The following PLCL1 variants were observed in gnomAD, a reference collection of about 807,000 sequenced individuals.
The protein encoded by PLCL1 is inactive phospholipase C-like protein 1.
PLCL1 carries 41 observed loss-of-function variants against 84.4 expected under a neutral mutation model. The ratio of observed to expected loss-of-function variants is 0.49; its 90% confidence interval spans 0.38 to 0.63. PLCL1 has a LOEUF of 0.63. PLCL1 is among the 30% of genes least tolerant of loss of function. The pLI, the probability that PLCL1 is intolerant of heterozygous loss-of-function variation, is 0.00. For synonymous variants in PLCL1, 490 were observed against 488.3 expected (o/e 1.00, Z -0.05); for missense variants, 1,206 against 1,367.8 (o/e 0.88, Z 1.87).
chr2:197,965,132 G>A (rs1017031708), intron 1 of PLCL1, among the ~76,000 whole-genome samples: 1 of 152,258 alleles, frequency 6.6e-6, no homozygotes, highest in Middle Eastern at 3.4e-3. Context: ...AGTAGGAGTA[G>A]TATTAGTTTT....
chr2:197,912,845 A>T, intron 1 of PLCL1, among the ~76,000 whole-genome samples: 1 of 140,252 alleles, frequency 7.1e-6, no homozygotes, highest in Non-Finnish European at 1.5e-5. Context: ...AGATATACCT[A>T]ATGCTAGATG....
chr2:198,079,801 A>G (rs1294738445), intron 1 of PLCL1, among the ~76,000 whole-genome samples: 3 of 152,224 alleles, frequency 2.0e-5, no homozygotes, highest in Admixed American at 6.5e-5. Context: ...AGACTTATGC[A>G]TAGAATATTA....
intron 1 of PLCL1, among the ~76,000 whole-genome samples, chr2:197,939,479 G>A (rs189855903): frequency 8.5e-5 from 13 of 152,232 alleles, no homozygotes; most frequent in Non-Finnish European, 1.6e-4. Context: ...AGAAGTCCAG[G>A]ATTTAGGTGT....
intron 3 of PLCL1, among the ~76,000 whole-genome samples, chr2:198,096,652 G>A (rs1339913004): frequency 6.6e-6 from 1 of 151,906 alleles, no homozygotes; most frequent in African/African-American, 2.4e-5. Flanking sequence ...ACTTTACTAT[G>A]GTAAGAACAA....
intron 1 of PLCL1, among the ~76,000 whole-genome samples, chr2:198,003,732 A>G (rs777296911): frequency 6.6e-6 from 1 of 152,232 alleles, no homozygotes; most frequent in African/African-American, 2.4e-5. Context: ...AGAAGAATAT[A>G]TGGTCTATGC....
intron 5 of PLCL1, among the ~76,000 whole-genome samples, chr2:198,128,134 T>C (rs1263197702): frequency 6.6e-6 from 1 of 152,152 alleles, no homozygotes; most frequent in Non-Finnish European, 1.5e-5. Context: ...TGCATTTATA[T>C]TGTAAACCAA....
intron 1 of PLCL1, among the ~76,000 whole-genome samples, chr2:197,963,119 A>C (rs922353369): frequency 8.6e-5 from 13 of 152,002 alleles, no homozygotes; most frequent in African/African-American, 2.9e-4. Context: ...ATCATATGTT[A>C]GCTCTATTTT....
At chr2:197,906,921 G>A (rs976382516) in intron 1 of PLCL1, among the ~76,000 whole-genome samples, 6 of 152,212 alleles carry the variant, frequency 3.9e-5, no homozygotes, top group African/African-American at 1.4e-4. Flanking sequence ...TTTGTATCCT[G>A]AGACTTTGCT....
intron 1 of PLCL1, among the ~76,000 whole-genome samples, chr2:197,890,165 C>T (rs1687988191): frequency 6.6e-6 from 1 of 152,144 alleles, no homozygotes; most frequent in Non-Finnish European, 1.5e-5. Flanking sequence ...AAAAAATTGA[C>T]AACAGATAGT....
chr2:198,120,982 T>TA (rs1166133006), intron 5 of PLCL1, among the ~76,000 whole-genome samples: 1 of 152,128 alleles, frequency 6.6e-6, no homozygotes. Context: ...CAGCATTTTT[T>TA]ATTGCCTGTC....
intron 1 of PLCL1, among the ~76,000 whole-genome samples, chr2:197,974,950 G>A (rs1243210932): frequency 4.6e-5 from 7 of 151,918 alleles, no homozygotes; most frequent in Middle Eastern, 3.4e-3. Flanking sequence ...GACCATCCTG[G>A]CTAACAAGGT....
chr2:197,854,950 G>A (rs1445620106), intron 1 of PLCL1, among the ~76,000 whole-genome samples: 1 of 152,168 alleles, frequency 6.6e-6, no homozygotes, highest in Non-Finnish European at 1.5e-5. Context: ...AATTTTTACA[G>A]CTTGTCCTGT....
intron 1 of PLCL1, among the ~76,000 whole-genome samples, chr2:197,853,936 C>T (rs988291557): frequency 1.3e-5 from 2 of 152,150 alleles, no homozygotes; most frequent in African/African-American, 4.8e-5. Flanking sequence ...CTTATAGGAT[C>T]TATCTGGAGG....
At chr2:197,926,981 C>G (rs1032771687) in intron 1 of PLCL1, among the ~76,000 whole-genome samples, 1 of 152,140 alleles carries the variant, frequency 6.6e-6, no homozygotes, top group Non-Finnish European at 1.5e-5. Context: ...GAAGCTATTT[C>G]CTGTAGTGCC....
chr2:198,123,798 C>T (rs1023693208), intron 5 of PLCL1, among the ~76,000 whole-genome samples: 1 of 152,016 alleles, frequency 6.6e-6, no homozygotes, highest in Non-Finnish European at 1.5e-5. Flanking sequence ...GTGAACTGTG[C>T]ATGTGAGGAA....
At chr2:197,943,396 C>T (rs1689201734) in intron 1 of PLCL1, among the ~76,000 whole-genome samples, 1 of 151,926 alleles carries the variant, frequency 6.6e-6, no homozygotes, top group African/African-American at 2.4e-5. Context: ...TCTCTTCTCC[C>T]ATTGATTTGT....
intron 1 of PLCL1, among the ~76,000 whole-genome samples, chr2:197,816,936 T>C (rs1477870444): frequency 6.6e-6 from 1 of 152,148 alleles, no homozygotes; most frequent in Non-Finnish European, 1.5e-5. Flanking sequence ...AAATATATGA[T>C]TGTGTCATGA....
At chr2:198,065,255 A>G (rs1235779325) in intron 1 of PLCL1, among the ~76,000 whole-genome samples, 1 of 152,174 alleles carries the variant, frequency 6.6e-6, no homozygotes, top group African/African-American at 2.4e-5. Flanking sequence ...CTTCTTTAAA[A>G]AAACTTCTTT....
At chr2:197,843,271 A>T (rs1687046365) in intron 1 of PLCL1, among the ~76,000 whole-genome samples, 1 of 152,222 alleles carries the variant, frequency 6.6e-6, no homozygotes, top group African/African-American at 2.4e-5. Flanking sequence ...TTAGTGGGGC[A>T]TTGCCCAGCG....
Sources: gnomAD v4.1 joint callset for allele counts (sites outside exome capture counted in the v4.1 genomes callset) on GRCh38, gnomAD v4.1.1 for gene constraint, MANE v1.5 for transcripts, NCBI Gene and HGNC (gene_info 2026-07-23, HGNC 2026-07-21) for gene names.